The following PDCD1LG2 variants were observed in gnomAD, a reference collection of about 807,000 sequenced individuals.
PDCD1LG2 encodes B7 dendritic cell molecule.
Under a neutral mutation model 28.2 loss-of-function variants are expected in PDCD1LG2, and 32 were observed. The observed-to-expected ratio is 1.13, with a 90% CI of 0.86 to 1.52. The LOEUF (loss-of-function observed/expected upper bound fraction) is 1.52, where lower values mean the gene tolerates loss of function less well. PDCD1LG2 is among the 40% of genes most tolerant of loss of function. The probability of loss-of-function intolerance (pLI) is 0.00; values close to 1 mark genes in which losing one functional copy is unlikely to be tolerated. For synonymous variants in PDCD1LG2, 116 were observed against 120.2 expected (o/e 0.97, Z 0.23); for missense variants, 385 against 323.8 (o/e 1.19, Z -1.45).
At chr9:5,561,039 T>C (rs998928414) in intron 5 of PDCD1LG2, among the ~76,000 whole-genome samples, 1 of 152,126 alleles carries the variant, frequency 6.6e-6, no homozygotes, top group Non-Finnish European at 1.5e-5. Context: ...TTCACCAATA[T>C]ATGCCCAGTG....
intron 2 of PDCD1LG2, among the ~76,000 whole-genome samples, chr9:5,522,930 A>C (rs1050687703): frequency 6.6e-6 from 1 of 152,184 alleles, no homozygotes; most frequent in East Asian, 1.9e-4. Context: ...CTTAAAGGTG[A>C]GATGCCAAGC....
At chr9:5,538,039 A>G (rs997948591) in intron 3 of PDCD1LG2, among the ~76,000 whole-genome samples, 1 of 152,372 alleles carries the variant, frequency 6.6e-6, no homozygotes, top group East Asian at 1.9e-4. Flanking sequence ...TTACATTAAG[A>G]TAAAATTCTG....
In PDCD1LG2 at chr9:5,565,716, G is replaced by A. The variant is rs77597563; in HGVS notation, c.816+2505G>A. ...GTATTTGATATTTGTCTTTCTGTCCGTTTATCAATGTTTCTTATAGTTTAT... is the reference window on the plus strand; with the variant it reads ...GTATTTGATATTTGTCTTTCTGTCCATTTATCAATGTTTCTTATAGTTTAT... On this transcript the variant is annotated intron_variant, in intron 6 of 6. Coordinates refer to ENST00000397747, the MANE Select transcript of PDCD1LG2 (RefSeq NM_025239.4). 9.9e-3 allele frequency among the ~76,000 whole-genome samples: 1,513 copies of A among 152,076 alleles called. 71 individuals carry two copies. The East Asian group carries it at 0.11, about 12-fold the overall frequency.
intron 1 of PDCD1LG2, among the ~76,000 whole-genome samples, chr9:5,513,424 A>C (rs1301534475): frequency 6.6e-6 from 1 of 152,194 alleles, no homozygotes; most frequent in Non-Finnish European, 1.5e-5. Context: ...GTTTTACATC[A>C]GTTTTACTAT....
chr9:5,516,550 G>A (rs971586308), intron 1 of PDCD1LG2, among the ~76,000 whole-genome samples: 17 of 152,176 alleles, frequency 1.1e-4, no homozygotes, highest in African/African-American at 3.1e-4. Flanking sequence ...ACCCCTTTCC[G>A]CCAAGGAACC....
In PDCD1LG2 at chr9:5,534,825, A is replaced by G. The variant is rs750860627; in HGVS notation, c.136A>G (p.Thr46Ala). 1 of 1,614,220 alleles carries G rather than the reference A, an allele frequency of 6.2e-7. No homozygotes were observed. Among genetic ancestry groups the G allele is most frequent in the Admixed American group, 1.7e-5 (1 of 60,022 alleles). Residue 46 changes from threonine to alanine, a missense_variant, in exon 3 of 7, where the codon ACT becomes GCT. Physicochemically the swap from Thr to Ala is moderately conservative, Grantham distance 58 (BLOSUM62 0). Coordinates refer to ENST00000397747, the MANE Select transcript of PDCD1LG2 (RefSeq NM_025239.4). ...TGTGACCCTGGAATGCAACTTTGAC[A>G]CTGGAAGTCATGTGAACCTTGGAGC... ...SNVTLECNFD[T>A]GSHVNLGAIT...
intron 4 of PDCD1LG2, among the ~76,000 whole-genome samples, chr9:5,557,254 TA>T (rs1816461553): frequency 1.2e-5 from 1 of 83,692 alleles, no homozygotes; most frequent in Admixed American, 1.2e-4. Context: ...GATTAGATGA[TA>T]GATGGATGGA....
intron 3 of PDCD1LG2, among the ~76,000 whole-genome samples, chr9:5,543,408 A>G (rs373256917): frequency 3.0e-4 from 46 of 152,176 alleles, no homozygotes; most frequent in African/African-American, 2.6e-4. Flanking sequence ...GCGTGGTGGC[A>G]GGCACCTGCA....
rs79591764 is a variant in PDCD1LG2, at chr9:5,527,525, T to C, written c.55+4924T>C. Among the ~76,000 whole-genome samples the C allele has an allele frequency of 2.7e-3, 415 of 152,390 alleles. 14 individuals carry two copies. In the East Asian group the frequency reaches 0.058, roughly 21 times the overall value. On this transcript the variant is annotated intron_variant, in intron 2 of 6. Coordinates refer to ENST00000397747, the MANE Select transcript of PDCD1LG2 (RefSeq NM_025239.4). Reference sequence around the variant, plus strand: ...TTGCTGTTGAGTATATTCTAGTGTATGTATACTATATTTTGTTTATAAATT... The same window carrying C: ...TTGCTGTTGAGTATATTCTAGTGTACGTATACTATATTTTGTTTATAAATT...
chr9:5,554,626 G>C (rs1361233119), intron 4 of PDCD1LG2, among the ~76,000 whole-genome samples: 1 of 152,194 alleles, frequency 6.6e-6, no homozygotes, highest in Non-Finnish European at 1.5e-5. Flanking sequence ...GGGAGCAACA[G>C]ATCATTTTCC....
chr9:5,514,267 C>T (rs140254623), intron 1 of PDCD1LG2, among the ~76,000 whole-genome samples: 4 of 152,064 alleles, frequency 2.6e-5, no homozygotes, highest in African/African-American at 9.7e-5. Flanking sequence ...ATAGTAAATA[C>T]CAAGTAAATG....
intron 4 of PDCD1LG2, among the ~76,000 whole-genome samples, chr9:5,554,887 G>T (rs367610122): frequency 6.6e-6 from 1 of 152,134 alleles, no homozygotes; most frequent in Non-Finnish European, 1.5e-5. Flanking sequence ...AGCCACTCTA[G>T]CACTCAGTCT....
chr9:5,528,077 A>C (rs1324496477), intron 2 of PDCD1LG2, among the ~76,000 whole-genome samples: 1 of 151,370 alleles, frequency 6.6e-6, no homozygotes, highest in Non-Finnish European at 1.5e-5. Flanking sequence ...TGATCCACCC[A>C]CCTTGGCCTC....
At position 5,558,224 on chromosome 9, in the gene PDCD1LG2, G is replaced by T. The variant is rs114734525; in HGVS notation, c.766+472G>T. Among the ~76,000 whole-genome samples, 425 of 152,310 alleles carry T rather than the reference G, an allele frequency of 2.8e-3. 2 individuals carry two copies. Among genetic ancestry groups the T allele is most frequent in the African/African-American group, 9.8e-3 (409 of 41,572 alleles). On this transcript the variant is annotated intron_variant, in intron 5 of 6. Coordinates refer to ENST00000397747, the MANE Select transcript of PDCD1LG2 (RefSeq NM_025239.4). ...CACGGTTGGGTAAGGAAAGGAGAAA[G>T]GTTTGTGAGGCCATTTGGGGATAAG...
intron 2 of PDCD1LG2, 108 bp downstream of exon 2, chr9:5,522,709 G>T: frequency 1.1e-6 from 1 of 937,918 alleles, no homozygotes; most frequent in Non-Finnish European, 1.6e-6. Flanking sequence ...TCTTTGAGAG[G>T]ACGTATGATT....
chr9:5,520,929 T>A (rs12002038), intron 1 of PDCD1LG2, among the ~76,000 whole-genome samples: 3,089 of 152,298 alleles, frequency 0.02, 103 homozygotes, highest in African/African-American at 0.07. Flanking sequence ...TCATAGGAAC[T>A]TTATTCATAA....
At chr9:5,518,391 T>C (rs1401184716) in intron 1 of PDCD1LG2, among the ~76,000 whole-genome samples, 1 of 152,230 alleles carries the variant, frequency 6.6e-6, no homozygotes, top group Non-Finnish European at 1.5e-5. Flanking sequence ...AAGGGGAAGT[T>C]AAAGCCAGTG....
In PDCD1LG2 at chr9:5,569,765, C is replaced by A. The variant is rs1816736380; in HGVS notation, c.817-189C>A. Among the ~76,000 whole-genome samples, 1 of 152,172 alleles carries A rather than the reference C, an allele frequency of 6.6e-6. No homozygotes were observed. The highest frequency in any genetic ancestry group is 2.1e-4 in the South Asian group (1 of 4,828). ...CTTGCAATAGGTCTGAGGAGAGAAG[C>A]TGAAGACTTGGACTAGGGCAATGGT... On this transcript the variant is annotated intron_variant, in intron 6 of 6. Transcript: ENST00000397747. The surrounding 1 kb of genome is among the most constrained non-coding windows in gnomAD (Gnocchi z 4.1).
In PDCD1LG2 at chr9:5,544,910, A is replaced by G. The variant is rs577033551; in HGVS notation, c.362-4425A>G. Among the ~76,000 whole-genome samples, 13 of 152,374 alleles carry G rather than the reference A, an allele frequency of 8.5e-5. No homozygotes were observed. In the South Asian group the frequency reaches 2.3e-3, roughly 27 times the overall value. ...TTGTGCTGCTTAGATAATATCTAGA[A>G]TATAGATTGTGTTACATATCCTTTT... On this transcript the variant is annotated intron_variant, in intron 3 of 6. Transcript: ENST00000397747.
Sources: allele counts gnomAD v4.1 joint callset (sites outside exome capture counted in the v4.1 genomes callset), GRCh38; gene constraint gnomAD v4.1.1; non-coding constraint Gnocchi (gnomAD v3.1); transcripts MANE v1.5; gene names NCBI Gene and HGNC (gene_info 2026-07-23, HGNC 2026-07-21).